Variants in IL1RAPL1 observed in about 807,000 individuals in gnomAD.
The protein encoded by IL1RAPL1 is interleukin-1 receptor accessory protein-like 1.
In IL1RAPL1, 3 loss-of-function variants were observed where a neutral mutation model predicts 48.4. The ratio of observed to expected loss-of-function variants is 0.06; its 90% CI spans 0.03 to 0.16. The LOEUF (loss-of-function observed/expected upper bound fraction) is 0.16, where lower values mean the gene tolerates loss of function less well. Among genes scored for constraint, IL1RAPL1 ranks in the 10% least tolerant of loss-of-function variants. IL1RAPL1 has a pLI of 1.00. For synonymous variants in IL1RAPL1, 185 were observed against 187.7 expected (o/e 0.99, Z 0.12); for missense variants, 349 against 530.6 (o/e 0.66, Z 3.36).
At chrX:29,372,604 A>C (rs1933559780) in intron 3 of IL1RAPL1, among the ~76,000 whole-genome samples, 1 of 110,930 alleles carries the variant, frequency 9.0e-6, no homozygotes, top group Non-Finnish European at 1.9e-5. Flanking sequence ...GGTGAAAGGT[A>C]GGGGTCCAGT....
chrX:29,611,842 T>C (rs1443891259), intron 5 of IL1RAPL1, among the ~76,000 whole-genome samples: 4 of 110,902 alleles, frequency 3.6e-5, no homozygotes, highest in Admixed American at 1.9e-4. Context: ...GGGTATGGAC[T>C]GGGAAGATGA....
chrX:29,205,735 A>G (rs1930651492), intron 2 of IL1RAPL1, among the ~76,000 whole-genome samples: 1 of 102,845 alleles, frequency 9.7e-6, no homozygotes. Context: ...TATTTTTTTT[A>G]TTATTATTAT....
At position 29,955,616 on chromosome X, in the gene IL1RAPL1, G is replaced by A. The variant is rs761061506; in HGVS notation, c.1887G>A (p.Glu629=). 1 of 1,208,682 alleles carries A rather than the reference G, an allele frequency of 8.3e-7. No individual in the cohort carries two copies. The highest frequency in any genetic ancestry group is 2.3e-4 in the Middle Eastern group (1 of 4,343). ...MRQKHYYRSY[E]YDVPPTGTLP... ...AGAAACACTACTACCGAAGCTATGA[G>A]TACGACGTACCTCCTACCGGCACCC... The change falls in exon 11 of 11, where the codon GAG becomes GAA. Residue 629 remains glutamate, a synonymous_variant. Transcript: ENST00000378993.
rs192167285 is a variant in IL1RAPL1 at position 29,312,745 on chromosome X, T to C, written c.362+29528T>C. Among the ~76,000 whole-genome samples, 706 of 111,761 alleles carry C rather than the reference T, an allele frequency of 6.3e-3. 1 individual carries two copies. Among genetic ancestry groups the C allele is most frequent in the Non-Finnish European group, 9.5e-3 (505 of 53,150 alleles). On this transcript the variant is annotated intron_variant, in intron 3 of 10. Coordinates refer to ENST00000378993, the MANE Select transcript of IL1RAPL1 (RefSeq NM_014271.4). ...TCTGTGTCCCACCTAGATCTCATCTTGAACTGTACTCCCATAATTCCCATG... is the reference window on the plus strand; with the variant it reads ...TCTGTGTCCCACCTAGATCTCATCTCGAACTGTACTCCCATAATTCCCATG...
At chrX:29,875,195 C>T (rs1931877952) in intron 6 of IL1RAPL1, among the ~76,000 whole-genome samples, 2 of 111,553 alleles carry the variant, frequency 1.8e-5, no homozygotes, top group East Asian at 2.8e-4. Flanking sequence ...ATTGGCTCCT[C>T]AGAGATTTCT....
chrX:29,645,655 G>A (rs1383653092), intron 5 of IL1RAPL1, among the ~76,000 whole-genome samples: 2 of 111,730 alleles, frequency 1.8e-5, no homozygotes, highest in Non-Finnish European at 3.8e-5. Context: ...GTGGCCTTGA[G>A]CTGTGAATAA....
chrX:28,883,569 A>C (rs1167601783), intron 2 of IL1RAPL1, among the ~76,000 whole-genome samples: 1 of 112,409 alleles, frequency 8.9e-6, no homozygotes, highest in Non-Finnish European at 1.9e-5. Context: ...TAACAAGCCT[A>C]ACCATGAAGA....
intron 5 of IL1RAPL1, among the ~76,000 whole-genome samples, chrX:29,402,785 AT>A (rs139591089): frequency 1.9e-5 from 2 of 106,557 alleles, no homozygotes; most frequent in Admixed American, 1.0e-4. Context: ...ACTGTTTTAC[AT>A]TTTTTTTTAT....
At chrX:29,006,526 A>G (rs1364122751) in intron 2 of IL1RAPL1, among the ~76,000 whole-genome samples, 6 of 108,291 alleles carry the variant, frequency 5.5e-5, no homozygotes, top group Non-Finnish European at 7.6e-5. Context: ...AAAAAAAAAA[A>G]AAAAATCCCA....
chrX:29,208,847 G>C (rs1930718303), intron 2 of IL1RAPL1, among the ~76,000 whole-genome samples: 1 of 110,678 alleles, frequency 9.0e-6, no homozygotes, highest in East Asian at 2.8e-4. Context: ...CTAAGATGGA[G>C]AGTAAAGTGT....
intron 2 of IL1RAPL1, among the ~76,000 whole-genome samples, chrX:29,258,105 A>G (rs187502027): frequency 9.0e-5 from 10 of 110,945 alleles, no homozygotes; most frequent in African/African-American, 2.3e-4. Flanking sequence ...ATTTAAGGCA[A>G]AAAGTCTCTT....
chrX:29,856,567 A>C (rs140811051), intron 6 of IL1RAPL1, among the ~76,000 whole-genome samples: 3,942 of 111,942 alleles, frequency 0.035, 163 homozygotes, highest in African/African-American at 0.12. Context: ...CTACCAAATG[A>C]GTAACATTAC....
chrX:29,934,783 CAAG>C (rs767767181), intron 8 of IL1RAPL1, among the ~76,000 whole-genome samples: 1 of 111,911 alleles, frequency 8.9e-6, no homozygotes, highest in South Asian at 3.7e-4. Flanking sequence ...CCCCTAAAAA[CAAG>C]AATTTTTTAT....
intron 5 of IL1RAPL1, among the ~76,000 whole-genome samples, chrX:29,621,712 A>G (rs531235300): frequency 8.9e-6 from 1 of 112,084 alleles, no homozygotes; most frequent in South Asian, 3.7e-4. Flanking sequence ...ATTTGTAAAG[A>G]TAAAATTAGC....
At chrX:29,546,181 G>T (rs12849515) in intron 5 of IL1RAPL1, among the ~76,000 whole-genome samples, 1 of 111,786 alleles carries the variant, frequency 8.9e-6, no homozygotes, top group African/African-American at 3.2e-5. Context: ...TAGACCAATA[G>T]AATTTAATTT....
chrX:28,863,349 G>A (rs200302494), intron 2 of IL1RAPL1, among the ~76,000 whole-genome samples: 2 of 108,991 alleles, frequency 1.8e-5, no homozygotes, highest in South Asian at 4.0e-4. Flanking sequence ...AAAAAAAAAT[G>A]AGTGTGGTTG....
chrX:29,675,194 G>A (rs1271780646), intron 6 of IL1RAPL1, among the ~76,000 whole-genome samples: 1 of 112,343 alleles, frequency 8.9e-6, no homozygotes, highest in Non-Finnish European at 1.9e-5. Context: ...GACAAAAAAG[G>A]TCTCATATCC....
chrX:28,649,304 A>G (rs915499130), intron 1 of IL1RAPL1, among the ~76,000 whole-genome samples: 1 of 112,355 alleles, frequency 8.9e-6, no homozygotes, highest in Non-Finnish European at 1.9e-5. Flanking sequence ...TAAATTAATA[A>G]GCTTTTAAGT....
chrX:29,597,821 G>A (rs752963193), intron 5 of IL1RAPL1, among the ~76,000 whole-genome samples: 4 of 112,169 alleles, frequency 3.6e-5, no homozygotes, highest in Non-Finnish European at 7.5e-5. Flanking sequence ...ACGTAAAGGT[G>A]TTCATAGTAG....
Sources: allele counts gnomAD v4.1 joint callset (sites outside exome capture counted in the v4.1 genomes callset), GRCh38; gene constraint gnomAD v4.1.1; transcripts MANE v1.5; gene names NCBI Gene and HGNC (gene_info 2026-07-23, HGNC 2026-07-21).